ATP4B: variants seen among roughly 807,000 people sequenced by gnomAD.
The protein encoded by ATP4B is ATPase H+/K+ transporting subunit beta, also known as potassium-transporting ATPase subunit beta.
In ATP4B, 27 loss-of-function variants were observed where a neutral mutation model predicts 35.3. The observed-to-expected ratio is 0.76, with a 90% confidence interval of 0.56 to 1.05. ATP4B has a LOEUF of 1.05. Ranked by LOEUF, ATP4B falls within the 50% of genes least tolerant of loss-of-function variation. The probability of loss-of-function intolerance (pLI) is 0.00; values close to 1 mark genes in which losing one functional copy is unlikely to be tolerated. For synonymous variants in ATP4B, 162 were observed against 156.0 expected (o/e 1.04, Z -0.29); for missense variants, 375 against 384.8 (o/e 0.97, Z 0.21).
At chr13:113,655,394 C>T (rs919271704) in intron 1 of ATP4B, among the ~76,000 whole-genome samples, 6 of 152,176 alleles carry the variant, frequency 3.9e-5, no homozygotes, top group African/African-American at 1.2e-4. Context: ...AGTGCATGGC[C>T]GGTCCTGCTT....
In ATP4B at chr13:113,649,238, C is replaced by T. The variant is rs113447969; in HGVS notation, c.*136G>A. The T allele has an allele frequency of 4.9e-4, 518 of 1,061,142 alleles. 2 individuals are homozygous for T. The African/African-American group carries it at 7.8e-3, about 16-fold the overall frequency. 65.7% of individuals were successfully genotyped at this position (1,061,142 alleles called of 1,614,324 possible). Reference sequence around the variant, plus strand: ...CAGATGTGGGCGCTTCTCTGGAGTTCGCACACTGACAACACCGTTGCTCCA... The same window carrying T: ...CAGATGTGGGCGCTTCTCTGGAGTTTGCACACTGACAACACCGTTGCTCCA... On this transcript the variant is annotated 3_prime_UTR_variant, in exon 7 of 7. Transcript: ENST00000335288. The surrounding 1 kb of genome is among the most constrained non-coding windows in gnomAD (Gnocchi z 4.7).
intron 1 of ATP4B, among the ~76,000 whole-genome samples, chr13:113,655,940 T>C (rs1413070670): frequency 6.6e-6 from 1 of 152,218 alleles, no homozygotes; most frequent in African/African-American, 2.4e-5. Flanking sequence ...TTCTGTGAGC[T>C]GGGACAGCAC....
chr13:113,650,096 G>A lies in ATP4B; in HGVS notation c.714+310C>T, dbSNP rs958273930. Among the ~76,000 whole-genome samples the A allele has an allele frequency of 1.3e-5, 2 of 151,848 alleles. No individual in the cohort carries two copies. Among genetic ancestry groups the A allele is most frequent in the African/African-American group, 4.8e-5 (2 of 41,246 alleles). On this transcript the variant is annotated intron_variant, in intron 6 of 6. Coordinates refer to ENST00000335288, the MANE Select transcript of ATP4B (RefSeq NM_000705.4). The surrounding 1 kb of genome is among the most constrained non-coding windows in gnomAD (Gnocchi z 5.0). The stretch of plus-strand genomic sequence containing the variant: ...GAGGATCACTTGAGCCCAGGTGGTT[G>A]AGGCTGCAATGAGCTAAGATGCTAA...
rs1162971796 is a variant in ATP4B, at chr13:113,649,458, C to CT, written c.791dup (p.Val265GlyfsTer16). The CT allele has an allele frequency of 4.5e-6, 7 of 1,568,660 alleles. No homozygotes were observed. The African/African-American group carries it at 9.5e-5, about 21-fold the overall frequency. On this transcript the variant is annotated frameshift_variant, in exon 7 of 7. Transcript: ENST00000335288. LOFTEE classifies it high-confidence loss of function. The surrounding 1 kb of genome is among the most constrained non-coding windows in gnomAD (Gnocchi z 4.7). Reference sequence around the variant, plus strand: ...TGAAGGTCACGTGCTCCGCCATGACCTTGCACACGATGGCGACCTCAGCGT... The same window carrying CT: ...TGAAGGTCACGTGCTCCGCCATGACCTTTGCACACGATGGCGACCTCAGCGT...
intron 3 of ATP4B, 102 bp from the exon 4 acceptor site, chr13:113,653,174 A>T (rs191223104): frequency 2.1e-6 from 3 of 1,453,372 alleles, no homozygotes; most frequent in Non-Finnish European, 2.8e-6. Context: ...TTCTCATGAA[A>T]TAGAAAAGGC....
chr13:113,654,227 C>T (rs2049735850), intron 2 of ATP4B, among the ~76,000 whole-genome samples: 3 of 152,160 alleles, frequency 2.0e-5, no homozygotes, highest in Admixed American at 1.3e-4. Flanking sequence ...AAAATCTATA[C>T]GTGGTTTAAA....
rs1267071336 is a variant in ATP4B, at chr13:113,649,499, G to C, written c.751C>G (p.Leu251Val). The C allele has an allele frequency of 6.5e-7, 1 of 1,547,626 alleles. No individual in the cohort carries two copies. The highest frequency in any genetic ancestry group is 1.4e-5 in the African/African-American group (1 of 73,206). Residue 251 changes from leucine to valine, a missense_variant, in exon 7 of 7, where the codon CTC becomes GTC. Physicochemically the swap from Leu to Val is conservative, Grantham distance 32. Transcript: ENST00000335288. The surrounding 1 kb of genome is among the most constrained non-coding windows in gnomAD (Gnocchi z 4.7). The stretch of plus-strand genomic sequence containing the variant: ...ACCTCAGCGTTCCTGGGGATGTTGA[G>C]GAGCTTCGCTGCCACCAGGGGGTTG... ...YSNPLVAAKL[L>V]NIPRNAEVAI...
At chr13:113,653,120 C>G (rs1278162201) in intron 3 of ATP4B, 48 bp from the exon 4 acceptor site, 1 of 1,572,162 alleles carries the variant, frequency 6.4e-7, no homozygotes, top group Non-Finnish European at 8.6e-7. Flanking sequence ...GGCCCTGACG[C>G]CTGGCTGCCC....
Position 113,652,964 on chromosome 13 carries a change from G to A in ATP4B, c.464C>T (p.Thr155Met), listed in dbSNP as rs139958643. 1.1e-4 allele frequency: 182 copies of A among 1,614,206 alleles called. No homozygotes were observed. Among genetic ancestry groups the A allele is most frequent in the African/African-American group, 1.1e-4 (8 of 75,044 alleles). The change falls in exon 4 of 7, where the codon ACG becomes ATG. Residue 155 changes from threonine to methionine, a missense_variant. Physicochemically the swap from Thr to Met is moderately conservative, Grantham distance 81 (BLOSUM62 -1). Coordinates refer to ENST00000335288, the MANE Select transcript of ATP4B (RefSeq NM_000705.4). ...TGAGCAGTTCTGCAGCATATCTGCCGTGAACTTGCAGGAGAACTTGGTGTG... is the reference window on the plus strand; with the variant it reads ...TGAGCAGTTCTGCAGCATATCTGCCATGAACTTGCAGGAGAACTTGGTGTG... ...PNHTKFSCKF[T>M]ADMLQNCSGL...
intron 1 of ATP4B, among the ~76,000 whole-genome samples, 167 bp from the exon 2 acceptor site, chr13:113,655,109 A>G (rs1158836788): frequency 6.6e-6 from 1 of 152,024 alleles, no homozygotes; most frequent in Non-Finnish European, 1.5e-5. Context: ...AGTCACTACA[A>G]TCCCCTCCCA....
intron 1 of ATP4B, among the ~76,000 whole-genome samples, chr13:113,656,429 A>G (rs2049755061): frequency 6.6e-6 from 1 of 152,152 alleles, no homozygotes; most frequent in Non-Finnish European, 1.5e-5. Flanking sequence ...CAGGCGGCTC[A>G]GCCCTGCCTC....
chr13:113,652,728 C>T (rs2140701467), intron 4 of ATP4B, 145 bp downstream of exon 4: 2 of 938,252 alleles, frequency 2.1e-6, no homozygotes, highest in East Asian at 5.2e-5. Context: ...GCGTGCCAAA[C>T]CAAGGTACAG....
intron 1 of ATP4B, among the ~76,000 whole-genome samples, chr13:113,657,057 C>T (rs925940508): frequency 1.3e-5 from 2 of 152,218 alleles, no homozygotes; most frequent in African/African-American, 4.8e-5. Context: ...CCTTTGAGAC[C>T]GTGGAGCCTC....
intron 2 of ATP4B, 66 bp downstream of exon 2, chr13:113,654,748 T>C (rs978267298): frequency 8.5e-5 from 133 of 1,565,794 alleles, no homozygotes; most frequent in Non-Finnish European, 9.3e-5. Flanking sequence ...CCCGGGCGTC[T>C]CCAGAGCCGA....
Position 113,650,444 on chromosome 13 carries a change from T to G in ATP4B, c.676A>C (p.Ser226Arg). ...CCGTAATAAGGGAAGTAGTGCAGAC[T>G]GAAGGTGCCGTTGGGAGGGTAGTAC... ...VKYYPPNGTF[S>R]LHYFPYYGKK... The change falls in exon 6 of 7, where the codon AGT becomes CGT. Residue 226 changes from serine to arginine, a missense_variant. Coordinates refer to ENST00000335288, the MANE Select transcript of ATP4B (RefSeq NM_000705.4). This position sits in a 1 kb window ranked among gnomAD's most constrained non-coding sequence, Gnocchi z 5.0. The G allele has an allele frequency of 6.2e-7, 1 of 1,614,056 alleles. No homozygotes were observed. Among genetic ancestry groups the G allele is most frequent in the Non-Finnish European group, 8.5e-7 (1 of 1,179,960 alleles).
In ATP4B at chr13:113,651,703, C is replaced by T. The variant is rs747801448; in HGVS notation, c.580G>A (p.Gly194Ser). 12 of 1,613,710 alleles carry T rather than the reference C, an allele frequency of 7.4e-6. No individual in the cohort carries two copies. In the East Asian group the frequency reaches 1.1e-4, roughly 15 times the overall value. ...NRIVKFLPSN[G>S]SAPRVDCAFL... ...GCGCAGTCCACTCTGGGGGCCGAGC[C>T]GTTGCTGGGGAGGAACTTGACGATC... is the stretch of plus-strand genomic sequence containing the variant. Residue 194 changes from glycine to serine, a missense_variant, in exon 5 of 7, where the codon GGC (glycine) becomes AGC (serine). Physicochemically the swap from Gly to Ser is moderately conservative, Grantham distance 56. Transcript: ENST00000335288.
chr13:113,650,627 A>G lies in ATP4B; in HGVS notation c.613-120T>C, dbSNP rs541342480. 8.0e-5 allele frequency: 53 copies of G among 662,034 alleles called. No individual in the cohort carries two copies. The highest frequency in any genetic ancestry group is 1.3e-4 in the Non-Finnish European group (50 of 386,834). The allele number at this position is 662,034 out of a possible 1,614,324, so 41.0% of individuals were successfully genotyped here. ...GTGTAGGTGCTTGCATAAACACTTT[A>G]TTGCATACTTAGCATAAATCAGATG... is the stretch of plus-strand genomic sequence containing the variant. On this transcript the variant is annotated intron_variant, in intron 5 of 6. Transcript: ENST00000335288. This position sits in a 1 kb window ranked among gnomAD's most constrained non-coding sequence, Gnocchi z 5.0.
intron 2 of ATP4B, 47 bp from the exon 3 acceptor site, chr13:113,653,481 A>T (rs1190847438): frequency 6.5e-7 from 1 of 1,546,090 alleles, no homozygotes; most frequent in Non-Finnish European, 8.9e-7. Flanking sequence ...TGCTCACCAC[A>T]TTTAAGCCAT....
At chr13:113,654,468 G>A (rs2049737863) in intron 2 of ATP4B, among the ~76,000 whole-genome samples, 1 of 152,232 alleles carries the variant, frequency 6.6e-6, no homozygotes, top group Admixed American at 6.5e-5. Context: ...GCATATCCAA[G>A]CACAGGAAGT....
Sources: gnomAD v4.1 joint callset for allele counts (sites outside exome capture counted in the v4.1 genomes callset) on GRCh38, gnomAD v4.1.1 for gene constraint, Gnocchi (gnomAD v3.1) non-coding constraint, MANE v1.5 for transcripts, NCBI Gene and HGNC (gene_info 2026-07-23, HGNC 2026-07-21) for gene names.